Variants in TRAF7 observed in about 807,000 individuals in gnomAD.
TRAF7 encodes TNF receptor associated factor 7.
TRAF7 carries 45 observed loss-of-function variants against 89.3 expected under a neutral mutation model. The ratio of observed to expected loss-of-function variants is 0.50; its 90% CI spans 0.40 to 0.65. The LOEUF (loss-of-function observed/expected upper bound fraction) is 0.65. TRAF7 is among the 30% of genes least tolerant of loss of function. The probability of loss-of-function intolerance (pLI) is 0.00; values close to 1 mark genes in which losing one functional copy is unlikely to be tolerated. For synonymous variants in TRAF7, 406 were observed against 369.2 expected (o/e 1.10, Z -1.14); for missense variants, 677 against 918.1 (o/e 0.74, Z 3.39).
At chr16:2,175,030 C>T in intron 14 of TRAF7, 81 bp from the exon 15 acceptor site, 2 of 1,570,876 alleles carry the variant, frequency 1.3e-6, no homozygotes, top group Non-Finnish European at 1.8e-6. Flanking sequence ...TGATGGCTGG[C>T]ATGGACCTCG....
At chr16:2,170,776 C>T (rs375611192) in intron 5 of TRAF7, 46 bp downstream of exon 5, 36 of 1,517,242 alleles carry the variant, frequency 2.4e-5, no homozygotes, top group South Asian at 1.2e-4. Flanking sequence ...GGGCTGTCAC[C>T]GCAGCCGTGG....
Position 2,168,043 on chromosome 16 carries a change from C to A in TRAF7, c.140-34C>A, listed in dbSNP as rs773743264. ...ACCTCCCCCACATCTGCTGAGGGAGCCCCCACTGAGACGCCAGCCCTCTTG... is the reference window on the plus strand; with the variant it reads ...ACCTCCCCCACATCTGCTGAGGGAGACCCCACTGAGACGCCAGCCCTCTTG... On this transcript the variant is annotated intron_variant, in intron 3 of 20. Coordinates refer to ENST00000326181, the MANE Select transcript of TRAF7 (RefSeq NM_032271.3). This position sits in a 1 kb window ranked among gnomAD's most constrained non-coding sequence, Gnocchi z 4.1. 1.9e-6 allele frequency: 3 copies of A among 1,596,228 alleles called. No individual in the cohort carries two copies. The highest frequency in any genetic ancestry group is 1.7e-6 in the Non-Finnish European group (2 of 1,170,308).
intron 9 of TRAF7, 129 bp downstream of exon 9, chr16:2,172,728 T>A: frequency 8.4e-7 from 1 of 1,196,154 alleles, no homozygotes; most frequent in Non-Finnish European, 1.2e-6. Flanking sequence ...TCTGTAATCC[T>A]CTCTGAGGCC....
chr16:2,165,370 C>T (rs2093080726), intron 2 of TRAF7, among the ~76,000 whole-genome samples: 2 of 139,880 alleles, frequency 1.4e-5, no homozygotes, highest in South Asian at 2.3e-4. Flanking sequence ...TGCTGCGTGG[C>T]GCGGCCTGGT....
rs1053455789 is a variant in TRAF7 at position 2,159,027 on chromosome 16, G to T, written c.-39+3169G>T. Among the ~76,000 whole-genome samples the T allele has an allele frequency of 6.6e-6, 1 of 152,140 alleles. No individual in the cohort carries two copies. Among genetic ancestry groups the T allele is most frequent in the Non-Finnish European group, 1.5e-5 (1 of 68,018 alleles). ...CAATAGACAGCCATGAGATACAGGG[G>T]AAAAAAGGACTGAGAGATGTTGCCA... On this transcript the variant is annotated intron_variant, in intron 1 of 20. Coordinates refer to ENST00000326181, the MANE Select transcript of TRAF7 (RefSeq NM_032271.3). The surrounding 1 kb of genome is among the most constrained non-coding windows in gnomAD (Gnocchi z 6.5).
intron 2 of TRAF7, among the ~76,000 whole-genome samples, chr16:2,164,511 T>C (rs1420191180): frequency 2.6e-5 from 3 of 117,006 alleles, no homozygotes; most frequent in Non-Finnish European, 3.5e-5. Context: ...CTACGTGGCC[T>C]GGCCTGGTCG....
chr16:2,175,427 G>A lies in TRAF7; in HGVS notation c.1503+10G>A, dbSNP rs2141294123. On this transcript the variant is annotated intron_variant, in intron 16 of 20. Coordinates refer to ENST00000326181, the MANE Select transcript of TRAF7 (RefSeq NM_032271.3). Reference sequence around the variant, plus strand: ...CCTGAAGGCCATCAAGGTACGGGTGGAGGCTGTGCCTACGTGTGTGTCACT... The same window carrying A: ...CCTGAAGGCCATCAAGGTACGGGTGAAGGCTGTGCCTACGTGTGTGTCACT... 1 of 1,613,278 alleles carries A rather than the reference G, an allele frequency of 6.2e-7. No homozygotes were observed. The highest frequency in any genetic ancestry group is 1.1e-5 in the South Asian group (1 of 91,076).
chr16:2,164,280 G>A (rs1046267018), intron 2 of TRAF7, among the ~76,000 whole-genome samples: 1 of 150,024 alleles, frequency 6.7e-6, no homozygotes, highest in African/African-American at 2.5e-5. Flanking sequence ...TGGTCGCATG[G>A]TTAAGCGTGT....
In TRAF7 at chr16:2,177,148, C is replaced by T. The variant is rs1203678876; in HGVS notation, c.*574C>T. 2 of 253,604 alleles carry T rather than the reference C, an allele frequency of 7.9e-6. No individual in the cohort carries two copies. Among genetic ancestry groups the T allele is most frequent in the African/African-American group, 4.4e-5 (2 of 45,910 alleles). 15.7% of individuals were successfully genotyped at this position (253,604 alleles called of 1,614,324 possible). ...TGGCCTCCAGTCCCATCTCCCCCAACACATGTGCCCCCAAAAAGTGAGCCA... is the reference window on the plus strand; with the variant it reads ...TGGCCTCCAGTCCCATCTCCCCCAATACATGTGCCCCCAAAAAGTGAGCCA... On this transcript the variant is annotated 3_prime_UTR_variant, in exon 21 of 21. Transcript: ENST00000326181.
intron 7 of TRAF7, 24 bp downstream of exon 7, chr16:2,171,629 C>T: frequency 1.2e-6 from 2 of 1,613,106 alleles, no homozygotes; most frequent in Non-Finnish European, 1.7e-6. Flanking sequence ...CCGGCCCAGG[C>T]CTGACGCCGA....
chr16:2,171,552 C>T lies in TRAF7; in HGVS notation c.442-20C>T, dbSNP rs772739865. The T allele has an allele frequency of 1.2e-6, 2 of 1,613,232 alleles. No homozygotes were observed. The highest frequency in any genetic ancestry group is 1.1e-5 in the South Asian group (1 of 91,086). On this transcript the variant is annotated intron_variant, in intron 6 of 20. Transcript: ENST00000326181. The stretch of plus-strand genomic sequence containing the variant: ...AAGAGGACCCTGCGCCACCCTCAAG[C>T]CCGCCCTTTGCCTCCACAGCACACG...
rs1357240635 is a variant in TRAF7 at position 2,168,983 on chromosome 16, T to A, written c.231+815T>A. Among the ~76,000 whole-genome samples, 1 of 152,156 alleles carries A rather than the reference T, an allele frequency of 6.6e-6. No homozygotes were observed. Among genetic ancestry groups the A allele is most frequent in the Non-Finnish European group, 1.5e-5 (1 of 68,018 alleles). On this transcript the variant is annotated intron_variant, in intron 4 of 20. Coordinates refer to ENST00000326181, the MANE Select transcript of TRAF7 (RefSeq NM_032271.3). This position sits in a 1 kb window ranked among gnomAD's most constrained non-coding sequence, Gnocchi z 4.1. ...CTCTTGGGACCGAGGCCTTTTCTTT[T>A]TTCCTTTTTTCTTTTTTTTGAGACG...
chr16:2,165,756 G>A (rs1444475304), intron 2 of TRAF7, 123 bp from the exon 3 acceptor site: 8 of 1,116,980 alleles, frequency 7.2e-6, no homozygotes. Context: ...TGGTCGCATG[G>A]TTAAGTGTGT....
chr16:2,172,632 T>TGGGCGGGGGG, intron 9 of TRAF7, 33 bp downstream of exon 9: 1 of 753,172 alleles, frequency 1.3e-6, no homozygotes, highest in Non-Finnish European at 2.1e-6. Flanking sequence ...TGGGCCGGGG[T>TGGGCGGGGGG]GGGCGCAGGC....
At chr16:2,173,432 G>A (rs2093121909) in intron 10 of TRAF7, 33 bp downstream of exon 10, 2 of 1,612,318 alleles carry the variant, frequency 1.2e-6, no homozygotes, top group African/African-American at 1.3e-5. Flanking sequence ...GCAGGGGCCT[G>A]GCCACTGCTC....
chr16:2,172,112 C>T (rs1402946629), intron 7 of TRAF7, 79 bp from the exon 8 acceptor site: 2 of 1,559,144 alleles, frequency 1.3e-6, no homozygotes, highest in South Asian at 1.1e-5. Context: ...ATCTGGCCCC[C>T]ATTAGAGGCT....
At chr16:2,173,888 C>T (rs1567252757) in intron 12 of TRAF7, 33 bp from the exon 13 acceptor site, 2 of 1,602,562 alleles carry the variant, frequency 1.2e-6, no homozygotes, top group African/African-American at 1.4e-5. Flanking sequence ...CGGGCCCCAA[C>T]TGGGCCTTCA....
At chr16:2,167,684 A>G (rs1596673587) in intron 3 of TRAF7, among the ~76,000 whole-genome samples, 1 of 151,950 alleles carries the variant, frequency 6.6e-6, no homozygotes, top group Non-Finnish European at 1.5e-5. Flanking sequence ...ATAAAATGGC[A>G]CCCCCAGCTG....
In TRAF7 at chr16:2,163,787, T is replaced by C; in HGVS notation, c.-38-96T>C. 1.2e-6 allele frequency: 1 copy of C among 806,248 alleles called. No homozygotes were observed. The allele number at this position is 806,248 out of a possible 1,614,324, so 49.9% of individuals were successfully genotyped here. ...GAAGGCTGCTGCGGCGGCCCCACGGTGCCCCACAGCAGGTCTGCACACTTG... is the reference window on the plus strand; with the variant it reads ...GAAGGCTGCTGCGGCGGCCCCACGGCGCCCCACAGCAGGTCTGCACACTTG... On this transcript the variant is annotated intron_variant, in intron 1 of 20. Transcript: ENST00000326181. This position sits in a 1 kb window ranked among gnomAD's most constrained non-coding sequence, Gnocchi z 4.3.
Sources: gnomAD v4.1 joint callset for allele counts (sites outside exome capture counted in the v4.1 genomes callset) on GRCh38, gnomAD v4.1.1 for gene constraint, Gnocchi (gnomAD v3.1) non-coding constraint, MANE v1.5 for transcripts, NCBI Gene and HGNC (gene_info 2026-07-23, HGNC 2026-07-21) for gene names.